The following PEX14 variants were observed in gnomAD, a reference collection of about 807,000 sequenced individuals.
PEX14 encodes peroxisomal biogenesis factor 14, also known as peroxisomal membrane protein PEX14.
A neutral mutation model predicts 49.5 loss-of-function variants in PEX14; 15 were observed. That is an observed-to-expected ratio of 0.30 (90% CI 0.20 to 0.47). PEX14 has a LOEUF of 0.47. Ranked by LOEUF, PEX14 falls within the 20% of genes least tolerant of loss-of-function variation. The probability of loss-of-function intolerance (pLI) is 1.00; values close to 1 mark genes in which losing one functional copy is unlikely to be tolerated. For missense variants in PEX14, 398 were observed against 494.8 expected, an observed-to-expected ratio of 0.80 and a Z score of 1.86; for synonymous variants, 210 against 212.7, an observed-to-expected ratio of 0.99 and a Z score of 0.11.
chr1:10,607,181 A>C (rs1641151595), intron 4 of PEX14, among the ~76,000 whole-genome samples: 1 of 151,774 alleles, frequency 6.6e-6, no homozygotes, highest in Non-Finnish European at 1.5e-5. Flanking sequence ...CGCTCAGCGT[A>C]GTGTTGCCGA....
chr1:10,573,447 A>G (rs1354499288), intron 3 of PEX14, among the ~76,000 whole-genome samples: 1 of 152,182 alleles, frequency 6.6e-6, no homozygotes, highest in Non-Finnish European at 1.5e-5. Flanking sequence ...AGACTCAAAT[A>G]TTTACTTTAT....
chr1:10,485,555 G>A (rs1284338298), intron 1 of PEX14, among the ~76,000 whole-genome samples: 1 of 151,308 alleles, frequency 6.6e-6, no homozygotes, highest in African/African-American at 2.4e-5. Context: ...CTGGACTTGA[G>A]TAGCCCTCCT....
At chr1:10,483,524 C>T (rs1219727986) in intron 1 of PEX14, among the ~76,000 whole-genome samples, 1 of 151,906 alleles carries the variant, frequency 6.6e-6, no homozygotes, top group Non-Finnish European at 1.5e-5. Context: ...ACTATGTTGG[C>T]CAGGATGGTC....
intron 2 of PEX14, among the ~76,000 whole-genome samples, chr1:10,534,523 A>G: frequency 6.6e-6 from 1 of 150,920 alleles, no homozygotes; most frequent in East Asian, 1.9e-4. Context: ...AAAATGCATC[A>G]GTGTTGTAGA....
chr1:10,579,173 CAAT>C (rs1036099484), intron 3 of PEX14, among the ~76,000 whole-genome samples: 4 of 151,946 alleles, frequency 2.6e-5, no homozygotes, highest in Non-Finnish European at 5.9e-5. Flanking sequence ...AAAAAGGGAA[CAAT>C]GATGAGAATT....
intron 3 of PEX14, among the ~76,000 whole-genome samples, chr1:10,585,151 T>A (rs1640442801): frequency 6.6e-6 from 1 of 152,212 alleles, no homozygotes; most frequent in Non-Finnish European, 1.5e-5. Flanking sequence ...ATCCAGTAAT[T>A]ACTGTTGCAG....
intron 2 of PEX14, among the ~76,000 whole-genome samples, chr1:10,520,774 A>G (rs1437430842): frequency 6.6e-6 from 1 of 152,194 alleles, no homozygotes; most frequent in Non-Finnish European, 1.5e-5. Context: ...GTCTAACCCA[A>G]TTTCTGCATG....
At chr1:10,549,639 G>A (rs902850342) in intron 3 of PEX14, among the ~76,000 whole-genome samples, 11 of 152,132 alleles carry the variant, frequency 7.2e-5, no homozygotes, top group Non-Finnish European at 1.0e-4. Flanking sequence ...GATCCAAAAT[G>A]CTTGGGACCA....
At chr1:10,484,989 C>T (rs1261175095) in intron 1 of PEX14, among the ~76,000 whole-genome samples, 3 of 151,650 alleles carry the variant, frequency 2.0e-5, no homozygotes, top group African/African-American at 7.3e-5. Flanking sequence ...TGGCCAGAAG[C>T]AAGTAACAGA....
intron 3 of PEX14, among the ~76,000 whole-genome samples, chr1:10,598,041 AC>A (rs1374076520): frequency 6.6e-6 from 1 of 151,926 alleles, no homozygotes; most frequent in African/African-American, 2.4e-5. Context: ...TACTTCATCT[AC>A]CCCCAGGGGC....
intron 7 of PEX14, among the ~76,000 whole-genome samples, chr1:10,625,253 C>T (rs1037599019): frequency 5.3e-5 from 8 of 152,098 alleles, no homozygotes; most frequent in African/African-American, 1.4e-4. Context: ...TCAGACAGAC[C>T]GGGCCCAGGA....
intron 3 of PEX14, among the ~76,000 whole-genome samples, chr1:10,585,639 G>A (rs564063362): frequency 6.6e-6 from 1 of 152,320 alleles, no homozygotes; most frequent in African/African-American, 2.4e-5. Context: ...GAATCAGAAG[G>A]CCAGGCGTGG....
intron 5 of PEX14, among the ~76,000 whole-genome samples, chr1:10,620,925 C>T (rs566681674): frequency 2.4e-4 from 37 of 152,332 alleles, no homozygotes; most frequent in Non-Finnish European, 3.5e-4. Context: ...GTGACACGAA[C>T]GCCAGAGTCC....
At chr1:10,592,768 G>A (rs956773450) in intron 3 of PEX14, among the ~76,000 whole-genome samples, 14 of 152,292 alleles carry the variant, frequency 9.2e-5, no homozygotes, top group African/African-American at 3.1e-4. Context: ...ACTGGACCCC[G>A]TGAACCCAGC....
At chr1:10,537,353 C>CCG (rs56379910) in intron 3 of PEX14, among the ~76,000 whole-genome samples, 1 of 103,344 alleles carries the variant, frequency 9.7e-6, no homozygotes, top group Non-Finnish European at 2.2e-5. Context: ...CCCCCCCCCC[C>CCG]GCCATCATTA....
chr1:10,577,784 T>TTA (rs1640194733), intron 3 of PEX14, among the ~76,000 whole-genome samples: 1 of 148,616 alleles, frequency 6.7e-6, no homozygotes, highest in Admixed American at 6.8e-5. Context: ...GTATTTTTTT[T>TTA]AGTAGAGACG....
chr1:10,582,469 TA>T (rs1640349021), intron 3 of PEX14, among the ~76,000 whole-genome samples: 1 of 151,706 alleles, frequency 6.6e-6, no homozygotes, highest in Non-Finnish European at 1.5e-5. Context: ...ACCAGAGGAG[TA>T]TTGTCTAGAT....
At chr1:10,502,291 T>C (rs1048259705) in intron 2 of PEX14, among the ~76,000 whole-genome samples, 1 of 152,126 alleles carries the variant, frequency 6.6e-6, no homozygotes, top group Non-Finnish European at 1.5e-5. Context: ...CTGCCAGATC[T>C]GCCGAAAAAA....
intron 3 of PEX14, among the ~76,000 whole-genome samples, chr1:10,568,195 A>G (rs1218335810): frequency 6.6e-6 from 1 of 152,190 alleles, no homozygotes; most frequent in Non-Finnish European, 1.5e-5. Context: ...CAGAACAGTG[A>G]TAAATAAAAC....
Sources: allele counts gnomAD v4.1 joint callset (sites outside exome capture counted in the v4.1 genomes callset), GRCh38; gene constraint gnomAD v4.1.1; transcripts MANE v1.5; gene names NCBI Gene and HGNC (gene_info 2026-07-23, HGNC 2026-07-21).